FOXP2: variants seen among roughly 807,000 people sequenced by gnomAD.
FOXP2 encodes forkhead box protein P2.
Under a neutral mutation model 115.8 loss-of-function variants are expected in FOXP2, and 12 were observed. That is an observed-to-expected ratio of 0.10 (90% CI 0.07 to 0.17). FOXP2 has a LOEUF of 0.17. Among genes scored for constraint, FOXP2 ranks in the 10% least tolerant of loss-of-function variants. The pLI is 1.00. For missense variants in FOXP2, 629 were observed against 843.5 expected, an observed-to-expected ratio of 0.75 and a Z score of 3.15; for synonymous variants, 328 against 297.7, an observed-to-expected ratio of 1.10 and a Z score of -1.05.
intron 2 of FOXP2, among the ~76,000 whole-genome samples, chr7:114,455,745 C>T (rs561922855): frequency 5.9e-5 from 9 of 152,252 alleles, no homozygotes; most frequent in African/African-American, 1.7e-4. Context: ...GAGTGATTCA[C>T]GTAAAATGAA....
intron 1 of FOXP2, among the ~76,000 whole-genome samples, chr7:114,276,410 C>A (rs758289597): frequency 4.6e-5 from 7 of 152,110 alleles, no homozygotes; most frequent in Non-Finnish European, 7.4e-5. Flanking sequence ...GGTGATCCAC[C>A]CATCTCAACC....
At chr7:114,511,282 C>T (rs1798058884) in intron 2 of FOXP2, among the ~76,000 whole-genome samples, 1 of 152,176 alleles carries the variant, frequency 6.6e-6, no homozygotes, top group East Asian at 1.9e-4. Context: ...TGTAGCAAAC[C>T]ACCATGGCAC....
At chr7:114,469,801 A>T (rs992355966) in intron 2 of FOXP2, among the ~76,000 whole-genome samples, 1 of 152,206 alleles carries the variant, frequency 6.6e-6, no homozygotes, top group Non-Finnish European at 1.5e-5. Context: ...AGATATTAAA[A>T]TAATAAAATG....
At chr7:114,293,028 C>A (rs958357081) in intron 2 of FOXP2, among the ~76,000 whole-genome samples, 2 of 152,066 alleles carry the variant, frequency 1.3e-5, no homozygotes, top group African/African-American at 4.8e-5. Flanking sequence ...CCTTTGAAAC[C>A]AATTACATAT....
chr7:114,600,430 A>T (rs1802958809), intron 3 of FOXP2, among the ~76,000 whole-genome samples: 1 of 152,202 alleles, frequency 6.6e-6, no homozygotes, highest in Non-Finnish European at 1.5e-5. Flanking sequence ...ATTGAAAGAC[A>T]TCTTGATTGC....
chr7:114,445,864 T>C (rs1280206791), intron 2 of FOXP2, among the ~76,000 whole-genome samples: 1 of 152,106 alleles, frequency 6.6e-6, no homozygotes, highest in Non-Finnish European at 1.5e-5. Flanking sequence ...TGCATGATAC[T>C]CTATCAAGAT....
chr7:114,555,419 G>T (rs532905730), intron 3 of FOXP2, among the ~76,000 whole-genome samples: 1 of 152,116 alleles, frequency 6.6e-6, no homozygotes, highest in Non-Finnish European at 1.5e-5. Flanking sequence ...ATGACAAGGG[G>T]ATGACAAGGT....
intron 2 of FOXP2, among the ~76,000 whole-genome samples, chr7:114,299,124 A>T (rs1050127584): frequency 1.3e-5 from 2 of 151,822 alleles, no homozygotes; most frequent in African/African-American, 4.9e-5. Flanking sequence ...ACTAAAACTT[A>T]ATTTGCAATC....
chr7:114,385,194 G>C (rs1165776073), intron 2 of FOXP2, among the ~76,000 whole-genome samples: 1 of 151,942 alleles, frequency 6.6e-6, no homozygotes, highest in Non-Finnish European at 1.5e-5. Flanking sequence ...AGACTCCCTG[G>C]GTTATAGCCT....
rs1420402820 is a variant in FOXP2, at chr7:114,267,838, TG to T, written c.-101-20179del. ...ATCATTTTAACAATTTTTAAGTGTA[TG>T]GTTCAATGTCATTAAGCACATTCAG... On this transcript the variant is annotated intron_variant, in intron 1 of 17. Coordinates refer to the FOXP2 transcript ENST00000634411. 7.9e-5 allele frequency among the ~76,000 whole-genome samples: 12 copies of T among 151,462 alleles called. No individual in the cohort carries two copies. In the South Asian group the frequency reaches 1.0e-3, roughly 13 times the overall value.
intron 2 of FOXP2, among the ~76,000 whole-genome samples, chr7:114,345,469 T>C (rs1463667599): frequency 2.0e-5 from 3 of 151,804 alleles, no homozygotes; most frequent in African/African-American, 7.2e-5. Context: ...TGGTTAACAG[T>C]TGTTTTCAAA....
chr7:114,100,834 A>C (rs976403827), intron 1 of FOXP2, among the ~76,000 whole-genome samples: 4 of 152,200 alleles, frequency 2.6e-5, no homozygotes, highest in Non-Finnish European at 5.9e-5. Flanking sequence ...CACTTTTCTA[A>C]GCACTTTGTG....
At chr7:114,230,226 T>C (rs1475833737) in intron 1 of FOXP2, among the ~76,000 whole-genome samples, 3 of 151,810 alleles carry the variant, frequency 2.0e-5, no homozygotes, top group Non-Finnish European at 4.4e-5. Context: ...GGAGATTGAA[T>C]CAGTAATCAA....
chr7:114,654,189 A>G (rs1806445531), intron 10 of FOXP2, 180 bp downstream of exon 10: 1 of 1,421,422 alleles, frequency 7.0e-7, no homozygotes. Context: ...GCTATCTTTT[A>G]CAAAATCTAT....
At chr7:114,534,543 A>G (rs567773419) in intron 2 of FOXP2, 74 bp from the exon 3 acceptor site, 27 of 1,191,888 alleles carry the variant, frequency 2.3e-5, no homozygotes, top group Middle Eastern at 3.8e-4. Context: ...GAAGCCTTTT[A>G]CTATTAACCA....
At chr7:114,245,127 T>C (rs992782899) in intron 1 of FOXP2, among the ~76,000 whole-genome samples, 1 of 152,214 alleles carries the variant, frequency 6.6e-6, no homozygotes, top group African/African-American at 2.4e-5. Context: ...CATTACTTTT[T>C]CATTATGGAT....
intron 2 of FOXP2, among the ~76,000 whole-genome samples, chr7:114,295,354 T>C (rs748207963): frequency 3.4e-4 from 52 of 152,218 alleles, no homozygotes; most frequent in Non-Finnish European, 2.9e-5. Flanking sequence ...TAGTCTTTAA[T>C]GATATCATTT....
chr7:114,164,609 G>T (rs1289170778), intron 1 of FOXP2, among the ~76,000 whole-genome samples: 1 of 151,888 alleles, frequency 6.6e-6, no homozygotes, highest in Non-Finnish European at 1.5e-5. Context: ...CAAACTGCTG[G>T]GATTACAGGC....
At chr7:114,172,065 T>C (rs1424360348) in intron 1 of FOXP2, among the ~76,000 whole-genome samples, 2 of 152,216 alleles carry the variant, frequency 1.3e-5, no homozygotes, top group African/African-American at 4.8e-5. Context: ...AATTGCTTCC[T>C]AAGGATAAGC....
Sources: gnomAD v4.1 joint callset for allele counts (sites outside exome capture counted in the v4.1 genomes callset) on GRCh38, gnomAD v4.1.1 for gene constraint, MANE v1.5 for transcripts, NCBI Gene and HGNC (gene_info 2026-07-23, HGNC 2026-07-21) for gene names.